The following TMPRSS4 variants were observed in gnomAD, a reference collection of about 807,000 sequenced individuals.
The protein encoded by TMPRSS4 is transmembrane serine protease 4, also known as transmembrane protease serine 4.
In TMPRSS4, 45 loss-of-function variants were observed where a neutral mutation model predicts 56.4. The ratio of observed to expected loss-of-function variants is 0.80; its 90% CI spans 0.63 to 1.02. The LOEUF (loss-of-function observed/expected upper bound fraction) is 1.02. Ranked by LOEUF, TMPRSS4 falls within the 50% of genes least tolerant of loss-of-function variation. The probability of loss-of-function intolerance (pLI) is 0.00; values close to 1 mark genes in which losing one functional copy is unlikely to be tolerated. For missense variants in TMPRSS4, 546 were observed against 556.7 expected, an observed-to-expected ratio of 0.98 and a Z score of 0.19; for synonymous variants, 205 against 211.0, an observed-to-expected ratio of 0.97 and a Z score of 0.25.
chr11:118,082,505 A>G (rs537444232), intron 1 of TMPRSS4, among the ~76,000 whole-genome samples: 1 of 150,952 alleles, frequency 6.6e-6, no homozygotes, highest in Non-Finnish European at 1.5e-5. Flanking sequence ...AGGTTGCAGT[A>G]AGCCGAGATC....
rs1475260255 is a variant in TMPRSS4, at chr11:118,120,599, G to T, written c.*2686G>T. On this transcript the variant is annotated 3_prime_UTR_variant, in exon 13 of 13. Coordinates refer to ENST00000437212, the MANE Select transcript of TMPRSS4 (RefSeq NM_019894.4). ...AATTATAAAAATAAAAAACTAAGTGGATGGGGTAAATAACAATTAAAACAC... is the reference window on the plus strand; with the variant it reads ...AATTATAAAAATAAAAAACTAAGTGTATGGGGTAAATAACAATTAAAACAC... The T allele has an allele frequency of 6.6e-6, 1 of 152,128 alleles. No homozygotes were observed. Among genetic ancestry groups the T allele is most frequent in the Non-Finnish European group, 1.5e-5 (1 of 68,030 alleles). The allele number at this position is 152,128 out of a possible 1,614,324, so 9.4% of individuals were successfully genotyped here. A position where few individuals can be genotyped will look rare whatever the true frequency, so the allele number is the denominator to read the frequency against.
chr11:118,103,767 A>C (rs888116718), intron 4 of TMPRSS4, among the ~76,000 whole-genome samples: 4 of 152,200 alleles, frequency 2.6e-5, no homozygotes, highest in African/African-American at 4.8e-5. Context: ...CTATTTGATG[A>C]CCAAATGTGA....
rs1321945777 is a variant in TMPRSS4 at position 118,111,737 on chromosome 11, C to A, written c.584-4C>A. ...GCCTCCTCCCTGCCTCTGCCTGTGTCCAGCCTGTGGGAAGAGCCTGAAGAC... is the reference window on the plus strand; with the variant it reads ...GCCTCCTCCCTGCCTCTGCCTGTGTACAGCCTGTGGGAAGAGCCTGAAGAC... On this transcript the variant is annotated splice_region_variant and splice_polypyrimidine_tract_variant and intron_variant, in intron 7 of 12. Transcript: ENST00000437212. 4 of 1,568,494 alleles carry A rather than the reference C, an allele frequency of 2.6e-6. No homozygotes were observed.
At position 118,118,001 on chromosome 11, in the gene TMPRSS4, T is replaced by A. The variant is rs1013351118; in HGVS notation, c.*88T>A. On this transcript the variant is annotated 3_prime_UTR_variant, in exon 13 of 13. Transcript: ENST00000437212. ...CCCAAAGTCAGACACAGAGCAAGAG[T>A]CCCCTTGGGTACACCCCTCTGCCCA... is the stretch of plus-strand genomic sequence containing the variant. 4.7e-5 allele frequency: 76 copies of A among 1,607,744 alleles called. No homozygotes were observed. Among genetic ancestry groups the A allele is most frequent in the Non-Finnish European group, 6.2e-5 (73 of 1,178,966 alleles).
intron 1 of TMPRSS4, among the ~76,000 whole-genome samples, chr11:118,094,504 AC>A (rs1270045234): frequency 6.6e-6 from 1 of 152,224 alleles, no homozygotes; most frequent in African/African-American, 2.4e-5. Flanking sequence ...CAAATTATTG[AC>A]AAAAACAGAT....
chr11:118,102,355 T>C (rs890716893), intron 3 of TMPRSS4, among the ~76,000 whole-genome samples: 2 of 152,366 alleles, frequency 1.3e-5, no homozygotes, highest in African/African-American at 2.4e-5. Flanking sequence ...ATAGATATCA[T>C]CATCCCATTG....
At chr11:118,094,141 G>A (rs1260902176) in intron 1 of TMPRSS4, among the ~76,000 whole-genome samples, 3 of 152,140 alleles carry the variant, frequency 2.0e-5, no homozygotes, top group Non-Finnish European at 4.4e-5. Context: ...CATTTCTCTT[G>A]GCTCTATCCT....
chr11:118,119,371 A>T lies in TMPRSS4; in HGVS notation c.*1458A>T. ...CAAATTGCAGATGGTCTGGAGGAAA[A>T]TTTCCCAAATTTAGAGCCTCAGGAT... On this transcript the variant is annotated 3_prime_UTR_variant, in exon 13 of 13. Coordinates refer to ENST00000437212, the MANE Select transcript of TMPRSS4 (RefSeq NM_019894.4). The T allele has an allele frequency of 1.0e-6, 1 of 985,252 alleles. No individual in the cohort carries two copies. Among genetic ancestry groups the T allele is most frequent in the East Asian group, 1.1e-4 (1 of 8,820 alleles). 61.0% of individuals were successfully genotyped at this position (985,252 alleles called of 1,614,324 possible). A position where few individuals can be genotyped will look rare whatever the true frequency, so the allele number is the denominator to read the frequency against.
chr11:118,094,953 A>G lies in TMPRSS4; in HGVS notation c.43+98A>G, dbSNP rs764002925. 369 of 1,283,792 alleles carry G rather than the reference A, an allele frequency of 2.9e-4. 1 individual carries two copies. Among genetic ancestry groups the G allele is most frequent in the Non-Finnish European group, 3.8e-4 (342 of 900,014 alleles). 79.5% of individuals were successfully genotyped at this position (1,283,792 alleles called of 1,614,324 possible). On this transcript the variant is annotated intron_variant, in intron 2 of 12. Transcript: ENST00000437212. ...CTCGCGCCTGGCCCTCACCACCACC[A>G]CCAAAGTGCTAAGTGCCATGAGTGA...
chr11:118,111,871 C>G lies in TMPRSS4; in HGVS notation c.714C>G (p.His238Gln). The change falls in exon 8 of 13, where the codon CAC becomes CAG. Residue 238 changes from histidine to glutamine, a missense_variant. Physicochemically the swap from His to Gln is conservative, Grantham distance 24 (BLOSUM62 0). Coordinates refer to ENST00000437212, the MANE Select transcript of TMPRSS4 (RefSeq NM_019894.4). ...GTGGAGGGAGCATCCTGGACCCCCA[C>G]TGGGTCCTCACGGCAGCCCACTGCT... ...HVCGGSILDP[H>Q]WVLTAAHCFR... 1 of 1,609,674 alleles carries G rather than the reference C, an allele frequency of 6.2e-7. No homozygotes were observed. Among genetic ancestry groups the G allele is most frequent in the South Asian group, 1.1e-5 (1 of 90,144 alleles).
At chr11:118,079,820 T>G (rs76308906) in intron 1 of TMPRSS4, among the ~76,000 whole-genome samples, 3,140 of 152,254 alleles carry the variant, frequency 0.021, 89 homozygotes, top group African/African-American at 0.068. Flanking sequence ...CCACCCTGAC[T>G]GGGGCACAGA....
Position 118,106,365 on chromosome 11 carries a change from C to T in TMPRSS4, c.441-1409C>T, listed in dbSNP as rs1946988421. 3 of 152,176 alleles carry T rather than the reference C, an allele frequency of 2.0e-5. 1 individual carries two copies. Among genetic ancestry groups the T allele is most frequent in the South Asian group, 4.1e-4 (2 of 4,830 alleles). 9.4% of individuals were successfully genotyped at this position (152,176 alleles called of 1,614,324 possible). A position where few individuals can be genotyped will look rare whatever the true frequency, so the allele number is the denominator to read the frequency against. On this transcript the variant is annotated intron_variant, in intron 5 of 12. Coordinates refer to ENST00000437212, the MANE Select transcript of TMPRSS4 (RefSeq NM_019894.4). The stretch of plus-strand genomic sequence containing the variant: ...GGGAATGTCCATTTCCACCATATTC[C>T]GTCCTTCTAGGTCTCAGACTTCTCT...
At chr11:118,085,709 G>A (rs1418531985) in intron 1 of TMPRSS4, among the ~76,000 whole-genome samples, 2 of 152,122 alleles carry the variant, frequency 1.3e-5, no homozygotes, top group Non-Finnish European at 2.9e-5. Flanking sequence ...AACCCATGAG[G>A]GTCCCTGCCA....
Position 118,115,144 on chromosome 11 carries a change from T to C in TMPRSS4, c.1016T>C (p.Met339Thr), listed in dbSNP as rs1373954704. ...AGTGTTTTTACCCTCCCAGGGAAGA[T>C]GTCTGACATACTGCTGCAGGCGTCA... is the stretch of plus-strand genomic sequence containing the variant. ...WGFTKQNGGK[M>T]SDILLQASVQ... is the part of the protein sequence containing the mutation. The change falls in exon 11 of 13, where the codon ATG (methionine) becomes ACG (threonine). Residue 339 changes from methionine to threonine, a missense_variant. Met to Thr is a moderately conservative substitution (Grantham distance 81). Transcript: ENST00000437212. 1 of 1,610,804 alleles carries C rather than the reference T, an allele frequency of 6.2e-7. No homozygotes were observed. Among genetic ancestry groups the C allele is most frequent in the South Asian group, 1.1e-5 (1 of 89,766 alleles).
chr11:118,083,086 C>A (rs1945281063), intron 1 of TMPRSS4, among the ~76,000 whole-genome samples: 2 of 152,186 alleles, frequency 1.3e-5, no homozygotes, highest in African/African-American at 4.8e-5. Context: ...TCGGTCGAAT[C>A]CCCCAGGGGT....
chr11:118,114,825 G>A lies in TMPRSS4; in HGVS notation c.911-4G>A, dbSNP rs766512417. ...ATCTCCTTCTTCCTCTGTGCTCCTGGCAGGCACAGTCAGGCCCATCTGTCT... is the reference window on the plus strand; with the variant it reads ...ATCTCCTTCTTCCTCTGTGCTCCTGACAGGCACAGTCAGGCCCATCTGTCT... On this transcript the variant is annotated splice_polypyrimidine_tract_variant and splice_region_variant and intron_variant, in intron 9 of 12. Transcript: ENST00000437212. 9 of 1,601,326 alleles carry A rather than the reference G, an allele frequency of 5.6e-6. No homozygotes were observed. Among genetic ancestry groups the A allele is most frequent in the East Asian group, 2.2e-5 (1 of 44,722 alleles).
intron 1 of TMPRSS4, chr11:118,086,766 C>T (rs996551679): frequency 6.5e-6 from 1 of 152,786 alleles, no homozygotes; most frequent in Non-Finnish European, 1.5e-5. Context: ...ATGGCTGAGA[C>T]ATCCAAGAGA....
intron 2 of TMPRSS4, 127 bp from the exon 3 acceptor site, chr11:118,098,858 C>T: frequency 3.1e-6 from 2 of 654,518 alleles, no homozygotes; most frequent in Admixed American, 5.3e-5. Context: ...AACCCCCCAG[C>T]ATTAACCAAA....
At chr11:118,077,342 G>A (rs1479657756) in intron 1 of TMPRSS4, 37 bp downstream of exon 1, 12 of 1,580,668 alleles carry the variant, frequency 7.6e-6, no homozygotes, top group Non-Finnish European at 1.0e-5. Flanking sequence ...GACACAGGAA[G>A]GGTGGGTCTC....
Sources: allele counts gnomAD v4.1 joint callset (sites outside exome capture counted in the v4.1 genomes callset), GRCh38; gene constraint gnomAD v4.1.1; transcripts MANE v1.5; gene names NCBI Gene and HGNC (gene_info 2026-07-23, HGNC 2026-07-21).